The following ZNF536 variants were observed in gnomAD, a reference collection of about 807,000 sequenced individuals.
ZNF536 encodes the protein zinc finger protein 536.
Under a neutral mutation model 84.5 loss-of-function variants are expected in ZNF536, and 13 were observed. That is an observed-to-expected ratio of 0.15 (90% CI 0.10 to 0.24). The LOEUF is 0.24. ZNF536 is among the 10% of genes least tolerant of loss of function. The pLI is 1.00. For synonymous variants in ZNF536, 811 were observed against 742.5 expected (o/e 1.09, Z -1.50); for missense variants, 1,536 against 1,747.5 (o/e 0.88, Z 2.16).
intron 2 of ZNF536, among the ~76,000 whole-genome samples, chr19:30,512,641 C>T (rs2055462979): frequency 6.6e-6 from 1 of 151,752 alleles, no homozygotes; most frequent in African/African-American, 2.4e-5. Flanking sequence ...AAGTGCTGCT[C>T]CCAGCATCTG....
Position 30,436,692 on chromosome 19 carries a change from C to T in ZNF536, c.-2-6869C>T, listed in dbSNP as rs115333159. Among the ~76,000 whole-genome samples the T allele has an allele frequency of 7.4e-3, 1,120 of 152,220 alleles. 16 individuals carry two copies. Among genetic ancestry groups the T allele is most frequent in the African/African-American group, 0.025 (1,058 of 41,518 alleles). ...ACAATTGGAAAAATAGTATTTAATA[C>T]GAAGCCATTGTATTCTAGGTGAAAT... On this transcript the variant is annotated intron_variant, in intron 1 of 4. Coordinates refer to ENST00000355537, the MANE Select transcript of ZNF536 (RefSeq NM_014717.3).
At chr19:30,403,087 G>A (rs1396549820) in intron 1 of ZNF536, among the ~76,000 whole-genome samples, 1 of 152,074 alleles carries the variant, frequency 6.6e-6, no homozygotes, top group African/African-American at 2.4e-5. Context: ...ATGCTTTGCG[G>A]AGGAGAACAC....
intron 1 of ZNF536, among the ~76,000 whole-genome samples, chr19:30,385,025 C>CA (rs796767621): frequency 8.9e-4 from 131 of 147,562 alleles, no homozygotes; most frequent in African/African-American, 2.7e-3. Flanking sequence ...GTCTCTAAAA[C>CA]AAAAAAAAAA....
intron 1 of ZNF536, among the ~76,000 whole-genome samples, chr19:30,579,077 CT>C (rs1211313337): frequency 2.0e-5 from 3 of 152,194 alleles, no homozygotes; most frequent in Admixed American, 2.0e-4. Context: ...GTTTCTAAGA[CT>C]TAGTTATTGA....
At chr19:30,473,705 G>T (rs1478800762) in intron 2 of ZNF536, among the ~76,000 whole-genome samples, 1 of 152,148 alleles carries the variant, frequency 6.6e-6, no homozygotes, top group Admixed American at 6.5e-5. Context: ...AATGTCCTTT[G>T]AGTCACAGCT....
At chr19:30,571,657 C>A (rs758367332) in intron 1 of ZNF536, among the ~76,000 whole-genome samples, 3 of 152,198 alleles carry the variant, frequency 2.0e-5, no homozygotes, top group Non-Finnish European at 4.4e-5. Flanking sequence ...CCTGCTCCTG[C>A]TTCTCTGTGA....
chr19:30,542,434 A>G (rs1184389597), intron 3 of ZNF536, among the ~76,000 whole-genome samples: 1 of 152,234 alleles, frequency 6.6e-6, no homozygotes, highest in African/African-American at 2.4e-5. Context: ...TCTATATCTT[A>G]TGCCATGTGT....
intron 1 of ZNF536, among the ~76,000 whole-genome samples, chr19:30,274,393 C>T (rs1197087717): frequency 1.3e-5 from 2 of 152,192 alleles, no homozygotes; most frequent in Non-Finnish European, 2.9e-5. Flanking sequence ...TTGTTTAATT[C>T]AGTGTATCCA....
intron 1 of ZNF536, among the ~76,000 whole-genome samples, chr19:30,281,894 G>T (rs74318925): frequency 1.3e-5 from 2 of 152,134 alleles, no homozygotes; most frequent in Non-Finnish European, 2.9e-5. Flanking sequence ...CCCTCAGGTT[G>T]GGGTCCCTGT....
chr19:30,503,921 C>CTT (rs200736973), intron 2 of ZNF536, among the ~76,000 whole-genome samples: 4 of 147,812 alleles, frequency 2.7e-5, no homozygotes, highest in African/African-American at 1.0e-4. Flanking sequence ...TCTTCTCTCT[C>CTT]TTTTTTTTTA....
At chr19:30,361,738 T>G (rs2048281011) in intron 3 of ZNF536, among the ~76,000 whole-genome samples, 1 of 137,544 alleles carries the variant, frequency 7.3e-6, no homozygotes, top group Admixed American at 9.0e-5. Flanking sequence ...GGGTTGAGCC[T>G]GGACGTAAAT....
intron 2 of ZNF536, among the ~76,000 whole-genome samples, chr19:30,446,248 CAA>C (rs1177505634): frequency 3.4e-3 from 98 of 29,172 alleles, no homozygotes; most frequent in East Asian, 0.015. Flanking sequence ...GACACTGTCT[CAA>C]AAAAAAAAAA....
chr19:30,239,748 T>C (rs914853236), intron 1 of ZNF536, among the ~76,000 whole-genome samples: 1 of 152,242 alleles, frequency 6.6e-6, no homozygotes, highest in Non-Finnish European at 1.5e-5. Flanking sequence ...AGGCATCTCC[T>C]ATATTCCCAG....
intron 1 of ZNF536, among the ~76,000 whole-genome samples, chr19:30,616,597 T>A (rs2048302704): frequency 1.3e-5 from 2 of 152,242 alleles, no homozygotes; most frequent in African/African-American, 4.8e-5. Flanking sequence ...TGCATTGCTG[T>A]TACAAAGCAT....
intron 2 of ZNF536, among the ~76,000 whole-genome samples, chr19:30,347,847 G>T (rs1339554570): frequency 6.6e-6 from 1 of 152,204 alleles, no homozygotes; most frequent in African/African-American, 2.4e-5. Flanking sequence ...GTTTCTAGAA[G>T]TCTGTGTGCT....
At chr19:30,593,273 C>G (rs1053622474) in intron 1 of ZNF536, among the ~76,000 whole-genome samples, 2 of 152,094 alleles carry the variant, frequency 1.3e-5, no homozygotes, top group African/African-American at 4.8e-5. Context: ...TGACCAAAAC[C>G]CTTTGTGGGC....
rs10418427 is a variant in ZNF536, at chr19:30,583,037, A to T, written c.169+33523A>T. ...CTCAGCCTCCCAAAGTCCTGGGATTACAAGCATGAGACACCTGTCTGGCCT... is the reference window on the plus strand; with the variant it reads ...CTCAGCCTCCCAAAGTCCTGGGATTTCAAGCATGAGACACCTGTCTGGCCT... On this transcript the variant is annotated intron_variant, in intron 1 of 1. Coordinates refer to the ZNF536 transcript ENST00000592773. Among the ~76,000 whole-genome samples the T allele has an allele frequency of 4.8e-3, 729 of 152,248 alleles. 6 individuals are homozygous for T. The highest frequency in any genetic ancestry group is 0.017 in the African/African-American group (710 of 41,548).
intron 2 of ZNF536, among the ~76,000 whole-genome samples, chr19:30,459,871 G>A (rs904731158): frequency 9.2e-5 from 14 of 152,198 alleles, no homozygotes; most frequent in Non-Finnish European, 1.8e-4. Flanking sequence ...GCAAATTCAA[G>A]ATGGTTTAGT....
At chr19:30,430,284 G>T (rs942790416) in intron 1 of ZNF536, among the ~76,000 whole-genome samples, 8 of 152,124 alleles carry the variant, frequency 5.3e-5, no homozygotes, top group Admixed American at 1.3e-4. Flanking sequence ...TCATTCATTT[G>T]TTCCCTCATT....
Sources: gnomAD v4.1 joint callset for allele counts (sites outside exome capture counted in the v4.1 genomes callset) on GRCh38, gnomAD v4.1.1 for gene constraint, MANE v1.5 for transcripts, NCBI Gene and HGNC (gene_info 2026-07-23, HGNC 2026-07-21) for gene names.